The following TBX1 variants were observed in gnomAD, a reference collection of about 807,000 sequenced individuals.
The protein encoded by TBX1 is T-box transcription factor TBX1.
Under a neutral mutation model 40.8 loss-of-function variants are expected in TBX1, and 16 were observed. The observed-to-expected ratio is 0.39, with a 90% confidence interval of 0.27 to 0.60. TBX1 has a LOEUF of 0.60. TBX1 is among the 20% of genes least tolerant of loss of function. The pLI is 0.51. For synonymous variants in TBX1, 403 were observed against 336.8 expected, an observed-to-expected ratio of 1.20 and a Z score of -2.15; for missense variants, 755 against 728.5, an observed-to-expected ratio of 1.04 and a Z score of -0.42.
At chr22:19,759,607 G>A, upstream of TBX1, 3 of 1,610,120 alleles carry the variant, frequency 1.9e-6, no homozygotes, top group Non-Finnish European at 2.5e-6. Flanking sequence ...CCTCCGACCG[G>A]GTGAAGCTTC....
downstream of TBX1, among the ~76,000 whole-genome samples, chr22:19,781,352 G>A (rs1937140867): frequency 6.6e-6 from 1 of 152,068 alleles, no homozygotes; most frequent in South Asian, 2.1e-4. Context: ...GAATAACTGG[G>A]TACATACCAC....
rs918009540 is a variant in TBX1 at position 19,767,133 on chromosome 22, T to G, written c.*266T>G. On this transcript the variant is annotated 3_prime_UTR_variant, in exon 7 of 7. Transcript: ENST00000649276. ...GGCCAAGGGGGTCCCCGCCCGCCAG[T>G]GCCAAAGCGCCCGGTCGGAGGCGGA... 8.1e-7 allele frequency: 1 copy of G among 1,242,104 alleles called. No homozygotes were observed. Among genetic ancestry groups the G allele is most frequent in the Non-Finnish European group, 1.0e-6 (1 of 993,190 alleles). The allele number at this position is 1,242,104 out of a possible 1,614,324, so 76.9% of individuals were successfully genotyped here. A position where few individuals can be genotyped will look rare whatever the true frequency, so the allele number is the denominator to read the frequency against.
At chr22:19,765,846 G>C in intron 5 of TBX1, 21 bp downstream of exon 5, 1 of 1,590,104 alleles carries the variant, frequency 6.3e-7, no homozygotes, top group Non-Finnish European at 8.6e-7. Flanking sequence ...TCCCCCGAGA[G>C]AGTGAGCGCC....
upstream of TBX1, among the ~76,000 whole-genome samples, chr22:19,758,820 G>A (rs935431486): frequency 2.6e-5 from 4 of 152,238 alleles, no homozygotes; most frequent in African/African-American, 7.2e-5. Flanking sequence ...CCTGGGCAGC[G>A]TCCCTCTGCT....
intron 8 of TBX1, among the ~76,000 whole-genome samples, chr22:19,774,317 G>A (rs1005356785): frequency 5.3e-5 from 8 of 152,208 alleles, no homozygotes; most frequent in Non-Finnish European, 1.0e-4. Flanking sequence ...GGAGGCTGAG[G>A]CAGGAGGATC....
intron 8 of TBX1, among the ~76,000 whole-genome samples, chr22:19,778,347 C>T (rs41298648): frequency 4.6e-5 from 7 of 152,168 alleles, no homozygotes; most frequent in East Asian, 1.9e-4. Flanking sequence ...GTGATCCTCC[C>T]GCTTTTGCCC....
At chr22:19,780,779 TTTTTTTTTG>T (rs1275641464), downstream of TBX1, among the ~76,000 whole-genome samples, 2 of 143,008 alleles carry the variant, frequency 1.4e-5, no homozygotes, top group Non-Finnish European at 3.0e-5. Flanking sequence ...GTTTTCTGTT[TTTTTTTTTG>T]TTTTTTTTTT....
chr22:19,767,348 C>T (rs1936900293), downstream of TBX1: 1 of 987,910 alleles, frequency 1.0e-6, no homozygotes, highest in South Asian at 4.7e-5. Context: ...GCCTGCGTGT[C>T]CATTTATTTG....
chr22:19,768,953 C>CTTTTTTTTTTTTTTT (rs36085623), downstream of TBX1, among the ~76,000 whole-genome samples: 1,836 of 66,078 alleles, frequency 0.028, 366 homozygotes, highest in South Asian at 0.043. Context: ...TGTTCGCATT[C>CTTTTTTTTTTTTTTT]TTTTTTTTTT....
In TBX1 at chr22:19,766,981, C is replaced by T. The variant is rs953153020; in HGVS notation, c.*114C>T. The T allele has an allele frequency of 2.7e-6, 4 of 1,455,930 alleles. No individual in the cohort carries two copies. The highest frequency in any genetic ancestry group is 2.7e-6 in the Non-Finnish European group (3 of 1,107,076). The allele number at this position is 1,455,930 out of a possible 1,614,324, so 90.2% of individuals were successfully genotyped here. A position where few individuals can be genotyped will look rare whatever the true frequency, so the allele number is the denominator to read the frequency against. ...TACGTTCCCCCAGCCCCAGGGGCCA[C>T]CGCGGCTCTCCCCTTCCCCAGCCTC... On this transcript the variant is annotated 3_prime_UTR_variant, in exon 7 of 7. Transcript: ENST00000649276.
At chr22:19,767,465 G>GGTCCCA (rs1223751280), downstream of TBX1, 2 of 876,314 alleles carry the variant, frequency 2.3e-6, no homozygotes, top group East Asian at 1.2e-4. Flanking sequence ...GGTCGGTCCC[G>GGTCCCA]GTCCCACAGC....
At chr22:19,769,298 G>A (rs180995090), downstream of TBX1, among the ~76,000 whole-genome samples, 5 of 152,260 alleles carry the variant, frequency 3.3e-5, no homozygotes, top group African/African-American at 9.6e-5. Context: ...AAACATTCAG[G>A]TCCTCACTGG....
In TBX1 at chr22:19,766,864, A is replaced by G. The variant is rs1936877808; in HGVS notation, c.1512A>G (p.Arg504=). ...CCGGCTCCTACGACTATTGCCCCAG[A>G]TAACACGGGCCCTGTCGCGCTCCCG... ...APPGSYDYCP[R] The change falls in exon 7 of 7, where the codon AGA becomes AGG. Residue 504 remains arginine (R), a synonymous_variant. Transcript: ENST00000649276. The G allele has an allele frequency of 2.5e-6, 4 of 1,583,418 alleles. No homozygotes were observed. The highest frequency in any genetic ancestry group is 3.4e-6 in the Non-Finnish European group (4 of 1,172,942).
chr22:19,783,417 G>T (rs1204846150), downstream of TBX1: 3 of 324,848 alleles, frequency 9.2e-6, no homozygotes, highest in Non-Finnish European at 1.8e-5. Context: ...GGTGGAAGCA[G>T]TTCACTTAAA....
At chr22:19,767,588 G>A (rs1289456993), downstream of TBX1, among the ~76,000 whole-genome samples, 1 of 151,774 alleles carries the variant, frequency 6.6e-6, no homozygotes, top group African/African-American at 2.4e-5. Context: ...CCTTCCCACC[G>A]TCCCGTCTCA....
At chr22:19,763,367 G>C in intron 2 of TBX1, 25 bp downstream of exon 2, 1 of 1,608,016 alleles carries the variant, frequency 6.2e-7, no homozygotes, top group Non-Finnish European at 8.5e-7. Context: ...GTAAGCGTGA[G>C]GGACCGGGAG....
chr22:19,782,341 A>G (rs1937150253), downstream of TBX1, among the ~76,000 whole-genome samples: 1 of 152,210 alleles, frequency 6.6e-6, no homozygotes, highest in African/African-American at 2.4e-5. Context: ...AGTGTTTTAT[A>G]GATTTCAGTG....
downstream of TBX1, among the ~76,000 whole-genome samples, chr22:19,779,856 A>G (rs2145852273): frequency 6.6e-6 from 1 of 152,304 alleles, no homozygotes; most frequent in South Asian, 2.1e-4. Context: ...CATCCGACCC[A>G]CATCACTCGG....
upstream of TBX1, among the ~76,000 whole-genome samples, chr22:19,759,111 G>A (rs939613432): frequency 2.0e-5 from 3 of 152,216 alleles, no homozygotes; most frequent in Non-Finnish European, 4.4e-5. Flanking sequence ...GCTGGGTGCT[G>A]CTGGCATAGA....
Sources: gnomAD v4.1 joint callset for allele counts (sites outside exome capture counted in the v4.1 genomes callset) on GRCh38, gnomAD v4.1.1 for gene constraint, MANE v1.5 for transcripts, NCBI Gene and HGNC (gene_info 2026-07-23, HGNC 2026-07-21) for gene names.